Variants in SPSB4 observed in about 807,000 individuals in gnomAD.
SPSB4 encodes the protein splA/ryanodine receptor domain and SOCS box containing 4, also known as SPRY domain-containing SOCS box protein 4.
SPSB4 carries 21 observed loss-of-function variants against 20.9 expected under a neutral mutation model. The observed-to-expected ratio is 1.01, with a 90% CI of 0.71 to 1.45. The LOEUF is 1.45. Among genes scored for constraint, SPSB4 ranks in the 40% most tolerant of loss-of-function variants. SPSB4 has a pLI of 0.00. For synonymous variants in SPSB4, 207 were observed against 183.8 expected, an observed-to-expected ratio of 1.13 and a Z score of -1.02; for missense variants, 399 against 399.2, an observed-to-expected ratio of 1.00 and a Z score of 0.00.
In SPSB4 at chr3:141,143,072, A is replaced by T. The variant is rs145766713; in HGVS notation, c.695-4070A>T. ...ACTTTGTGATCTGCCCACCTTGGCC[A>T]CCCAAAGTGCTGGGATTACAGGTCT... On this transcript the variant is annotated intron_variant, in intron 2 of 2. Transcript: ENST00000310546. 8.6e-3 allele frequency among the ~76,000 whole-genome samples: 1,311 copies of T among 151,844 alleles called. 21 individuals are homozygous for T. Among genetic ancestry groups the T allele is most frequent in the African/African-American group, 0.029 (1,204 of 41,400 alleles).
chr3:141,119,505 T>C (rs574438219), intron 2 of SPSB4, among the ~76,000 whole-genome samples: 13 of 152,360 alleles, frequency 8.5e-5, no homozygotes, highest in Non-Finnish European at 8.8e-5. Flanking sequence ...CTGATTGCCC[T>C]GGCCAGAACT....
chr3:141,112,798 G>C (rs1240117165), intron 2 of SPSB4, among the ~76,000 whole-genome samples: 2 of 152,110 alleles, frequency 1.3e-5, no homozygotes. Flanking sequence ...GGAGTGGCCA[G>C]GCAAGGCATG....
intron 1 of SPSB4, among the ~76,000 whole-genome samples, chr3:141,065,660 A>C (rs1937850369): frequency 6.6e-6 from 1 of 152,232 alleles, no homozygotes; most frequent in Admixed American, 6.5e-5. Context: ...TTGCAGTGGG[A>C]CTTCGGCTAA....
chr3:141,066,341 C>T lies in SPSB4; in HGVS notation c.237C>T (p.Pro79=). The change falls in exon 2 of 3, where the codon CCC becomes CCT. Residue 79 remains proline (P), a synonymous_variant. Coordinates refer to ENST00000310546, the MANE Select transcript of SPSB4 (RefSeq NM_080862.3). ...DDDRLTFHRH[P]VAQSTDGIRG... is the part of the protein sequence containing the mutation. ...ACCGGCTCACCTTCCACCGGCACCC[C>T]GTGGCCCAGAGCACCGACGGCATCC... is the stretch of plus-strand genomic sequence containing the variant. 6.4e-7 allele frequency: 1 copy of T among 1,563,936 alleles called. No individual in the cohort carries two copies. Among genetic ancestry groups the T allele is most frequent in the Non-Finnish European group, 8.6e-7 (1 of 1,156,428 alleles).
At chr3:141,104,068 G>C (rs1172197839) in intron 2 of SPSB4, among the ~76,000 whole-genome samples, 1 of 152,164 alleles carries the variant, frequency 6.6e-6, no homozygotes, top group Non-Finnish European at 1.5e-5. Context: ...TCTCAGCAGT[G>C]AAATAAATAA....
At chr3:141,073,796 T>A (rs1938050780) in intron 2 of SPSB4, among the ~76,000 whole-genome samples, 1 of 152,178 alleles carries the variant, frequency 6.6e-6, no homozygotes, top group Non-Finnish European at 1.5e-5. Context: ...GAGTGACCCT[T>A]TTTCCATCTC....
intron 2 of SPSB4, among the ~76,000 whole-genome samples, chr3:141,079,525 C>A (rs1205184349): frequency 1.3e-5 from 2 of 152,106 alleles, no homozygotes; most frequent in African/African-American, 2.4e-5. Context: ...CCTGCTAGGT[C>A]AATCGGCCAA....
intron 2 of SPSB4, among the ~76,000 whole-genome samples, chr3:141,074,108 G>A (rs1217451164): frequency 6.6e-6 from 1 of 152,196 alleles, no homozygotes; most frequent in Non-Finnish European, 1.5e-5. Context: ...AAGCATCACC[G>A]TGGGCCACAG....
At chr3:141,062,684 T>C (rs758616332) in intron 1 of SPSB4, among the ~76,000 whole-genome samples, 15 of 152,314 alleles carry the variant, frequency 9.8e-5, no homozygotes, top group Middle Eastern at 6.8e-3. Flanking sequence ...AATGCCTAAG[T>C]GATAGGATTT....
At chr3:141,064,796 G>A (rs1937832929) in intron 1 of SPSB4, among the ~76,000 whole-genome samples, 3 of 152,288 alleles carry the variant, frequency 2.0e-5, no homozygotes, top group Middle Eastern at 6.8e-3. Flanking sequence ...CCATACCCAG[G>A]GCCCGTCCAA....
chr3:141,094,763 C>T lies in SPSB4; in HGVS notation c.694+27965C>T, dbSNP rs988525028. On this transcript the variant is annotated intron_variant, in intron 2 of 2. Transcript: ENST00000310546. The stretch of plus-strand genomic sequence containing the variant: ...CCTGAAGGTTCTCCCTTGTGCCCTG[C>T]CCGCCCCCCGCCCCCCGCCCCTTTG... 6.7e-5 allele frequency among the ~76,000 whole-genome samples: 7 copies of T among 104,434 alleles called. No individual in the cohort carries two copies. The Admixed American group carries it at 7.4e-4, about 11-fold the overall frequency. The allele number at this position is 104,434 out of a possible 152,430, so 68.5% of individuals were successfully genotyped here. A position where few individuals can be genotyped will look rare whatever the true frequency, so the allele number is the denominator to read the frequency against.
At chr3:141,101,516 TGA>T (rs1182713454) in intron 2 of SPSB4, among the ~76,000 whole-genome samples, 3 of 152,290 alleles carry the variant, frequency 2.0e-5, no homozygotes, top group African/African-American at 7.2e-5. Context: ...GAACCATGAC[TGA>T]GTTACTCAAC....
intron 2 of SPSB4, among the ~76,000 whole-genome samples, chr3:141,098,210 T>C (rs1938571918): frequency 6.6e-6 from 1 of 152,260 alleles, no homozygotes; most frequent in Non-Finnish European, 1.5e-5. Flanking sequence ...TAATAGCTGA[T>C]AGGACCACTC....
chr3:141,134,031 T>C (rs1389267469), intron 2 of SPSB4, among the ~76,000 whole-genome samples: 4 of 112,620 alleles, frequency 3.6e-5, no homozygotes, highest in African/African-American at 1.8e-4. Context: ...TTTTTTTTTC[T>C]TTTCTTTTTT....
At chr3:141,102,889 C>A (rs1217279775) in intron 2 of SPSB4, among the ~76,000 whole-genome samples, 2 of 152,162 alleles carry the variant, frequency 1.3e-5, no homozygotes, top group African/African-American at 2.4e-5. Flanking sequence ...GGCAGCCAAG[C>A]CTGCCCATGA....
rs185386890 is a variant in SPSB4 at position 141,097,434 on chromosome 3, T to G, written c.694+30636T>G. Reference sequence around the variant, plus strand: ...TTTTGTTTGTTTGTTTGTTTTTTGGTTTTTTTTGAGACAGGGTTTACCCAA... The same window carrying G: ...TTTTGTTTGTTTGTTTGTTTTTTGGGTTTTTTTGAGACAGGGTTTACCCAA... On this transcript the variant is annotated intron_variant, in intron 2 of 2. Coordinates refer to ENST00000310546, the MANE Select transcript of SPSB4 (RefSeq NM_080862.3). 3.6e-3 allele frequency among the ~76,000 whole-genome samples: 541 copies of G among 152,134 alleles called. 5 individuals are homozygous for G. Among genetic ancestry groups the G allele is most frequent in the African/African-American group, 0.012 (500 of 41,500 alleles).
rs1269220842 is a variant in SPSB4 at position 141,147,309 on chromosome 3, C to T, written c.*40C>T. On this transcript the variant is annotated 3_prime_UTR_variant, in exon 3 of 3. Transcript: ENST00000310546. ...GCAGCACAGACACAGACACACACCG[C>T]AGGGCCCGACCCTCCTGTCATTCAC... is the stretch of plus-strand genomic sequence containing the variant. 1 of 1,611,026 alleles carries T rather than the reference C, an allele frequency of 6.2e-7. No individual in the cohort carries two copies. Among genetic ancestry groups the T allele is most frequent in the Non-Finnish European group, 8.5e-7 (1 of 1,177,974 alleles).
intron 2 of SPSB4, among the ~76,000 whole-genome samples, chr3:141,078,886 A>G (rs1559842944): frequency 6.6e-6 from 1 of 152,000 alleles, no homozygotes; most frequent in Non-Finnish European, 1.5e-5. Context: ...GGGCTGTTCT[A>G]TTTGTCCTGG....
chr3:141,056,976 C>A (rs968615701), intron 1 of SPSB4, among the ~76,000 whole-genome samples: 8 of 152,258 alleles, frequency 5.3e-5, no homozygotes, highest in African/African-American at 1.7e-4. Context: ...CCAGCTTGCA[C>A]CTTGGGGGCC....
Sources: gnomAD v4.1 joint callset for allele counts (sites outside exome capture counted in the v4.1 genomes callset) on GRCh38, gnomAD v4.1.1 for gene constraint, MANE v1.5 for transcripts, NCBI Gene and HGNC (gene_info 2026-07-23, HGNC 2026-07-21) for gene names.